The following SCLT1 variants were observed in gnomAD, a reference collection of about 807,000 sequenced individuals.
SCLT1 encodes sodium channel and clathrin linker 1.
SCLT1 carries 78 observed loss-of-function variants against 112.8 expected under a neutral mutation model. The ratio of observed to expected loss-of-function variants is 0.69; its 90% CI spans 0.58 to 0.83. The LOEUF (loss-of-function observed/expected upper bound fraction) is 0.83, where lower values mean the gene tolerates loss of function less well. Ranked by LOEUF, SCLT1 falls within the 40% of genes least tolerant of loss-of-function variation. The probability of loss-of-function intolerance (pLI) is 0.00; values close to 1 mark genes in which losing one functional copy is unlikely to be tolerated. For missense variants in SCLT1, 747 were observed against 770.4 expected (o/e 0.97, Z 0.36); for synonymous variants, 257 against 254.7 (o/e 1.01, Z -0.09).
intron 20 of SCLT1, among the ~76,000 whole-genome samples, chr4:128,887,583 C>T (rs17414502): frequency 6.6e-6 from 1 of 152,064 alleles, no homozygotes; most frequent in Non-Finnish European, 1.5e-5. Flanking sequence ...CTCGCCTCCC[C>T]TATCTATCTA....
Position 128,959,654 on chromosome 4 carries a change from T to TA in SCLT1, c.992dup (p.Arg332LysfsTer5). ...AGAGTTGCATGCTATTTCTGGCTCT[T>TA]ACAATAGCCTCATATCTCTCATTTT... On this transcript the variant is annotated frameshift_variant, in exon 12 of 21. Coordinates refer to ENST00000281142, the MANE Select transcript of SCLT1 (RefSeq NM_144643.4). LOFTEE classifies it high-confidence loss of function. The TA allele has an allele frequency of 6.2e-7, 1 of 1,613,612 alleles. No homozygotes were observed. Among genetic ancestry groups the TA allele is most frequent in the Non-Finnish European group, 8.5e-7 (1 of 1,179,706 alleles).
At chr4:128,906,822 C>T (rs1174182251) in intron 18 of SCLT1, among the ~76,000 whole-genome samples, 2 of 152,038 alleles carry the variant, frequency 1.3e-5, no homozygotes, top group Non-Finnish European at 2.9e-5. Flanking sequence ...CTAGTCACTG[C>T]CATAGTGAAA....
chr4:129,067,712 A>G (rs1456506428), intron 2 of SCLT1, among the ~76,000 whole-genome samples: 1 of 151,998 alleles, frequency 6.6e-6, no homozygotes, highest in Non-Finnish European at 1.5e-5. Flanking sequence ...GGGTTTCACC[A>G]TGTTGGCCAG....
At chr4:128,910,380 G>A (rs528995486) in intron 18 of SCLT1, among the ~76,000 whole-genome samples, 1 of 152,314 alleles carries the variant, frequency 6.6e-6, no homozygotes, top group Admixed American at 6.5e-5. Context: ...GTTTAAAGGA[G>A]ATTTGCATCG....
chr4:128,925,594 G>A (rs1736232246), intron 18 of SCLT1, among the ~76,000 whole-genome samples: 2 of 152,092 alleles, frequency 1.3e-5, no homozygotes, highest in Non-Finnish European at 2.9e-5. Flanking sequence ...AAAGTGCTAG[G>A]ATTACAGGCG....
rs377349609 is a variant in SCLT1, at chr4:128,974,726, T to C, written c.687-4258A>G. ...CAAAAATAATTCTAATATTATTTTATGAAGAAACTCAATAATTATGTTTAT... is the reference window on the plus strand; with the variant it reads ...CAAAAATAATTCTAATATTATTTTACGAAGAAACTCAATAATTATGTTTAT... On this transcript the variant is annotated intron_variant, in intron 9 of 20. Coordinates refer to ENST00000281142, the MANE Select transcript of SCLT1 (RefSeq NM_144643.4). Among the ~76,000 whole-genome samples, 34 of 152,288 alleles carry C rather than the reference T, an allele frequency of 2.2e-4. No homozygotes were observed. The East Asian group carries it at 2.9e-3, about 13-fold the overall frequency.
chr4:128,961,101 T>A (rs1245347073), intron 11 of SCLT1, among the ~76,000 whole-genome samples: 1 of 152,072 alleles, frequency 6.6e-6, no homozygotes, highest in Non-Finnish European at 1.5e-5. Context: ...TTTGACTATT[T>A]TTTTTCAACT....
At chr4:128,990,766 T>G (rs1484001390) in intron 9 of SCLT1, among the ~76,000 whole-genome samples, 1 of 149,314 alleles carries the variant, frequency 6.7e-6, no homozygotes, top group Non-Finnish European at 1.5e-5. Flanking sequence ...CGAACAAAAA[T>G]CAGTATTATT....
At chr4:128,898,463 C>A (rs1055955499) in intron 18 of SCLT1, among the ~76,000 whole-genome samples, 13 of 152,108 alleles carry the variant, frequency 8.5e-5, no homozygotes, top group Non-Finnish European at 1.0e-4. Flanking sequence ...TAAAGATGTT[C>A]TTTGAAACCA....
chr4:128,940,656 T>G (rs1267021963), intron 17 of SCLT1, among the ~76,000 whole-genome samples: 1 of 152,000 alleles, frequency 6.6e-6, no homozygotes, highest in South Asian at 2.1e-4. Flanking sequence ...TTATACACTA[T>G]AGTAACAATT....
Position 129,067,182 on chromosome 4 carries a change from ACTTAATAAAT to A in SCLT1, c.102+15114_102+15123del, listed in dbSNP as rs911109289. Among the ~76,000 whole-genome samples, 22 of 152,202 alleles carry A rather than the reference ACTTAATAAAT, an allele frequency of 1.4e-4. 1 individual carries two copies. Among genetic ancestry groups the A allele is most frequent in the Middle Eastern group, 3.4e-3 (1 of 294 alleles). The stretch of plus-strand genomic sequence containing the variant: ...TAACCTAATTCCTGACATAGAAAAC[ACTTAATAAAT>A]CTTAATAAATCTTGGCTCATTATCT... On this transcript the variant is annotated intron_variant, in intron 2 of 20. Coordinates refer to ENST00000281142, the MANE Select transcript of SCLT1 (RefSeq NM_144643.4).
In SCLT1 at chr4:128,943,004, T is replaced by C. The variant is rs1346108044; in HGVS notation, c.1624A>G (p.Lys542Glu). The change falls in exon 17 of 21, where the codon AAA (lysine) becomes GAA (glutamate). Residue 542 changes from lysine (K) to glutamate (E), a missense_variant. By Grantham distance (56) the Lys-to-Glu change is moderately conservative. Transcript: ENST00000281142. Reference protein sequence around the residue: ...KIALEAQKKAKVKISTMEHEF... With the variant: ...KIALEAQKKAEVKISTMEHEF... ...TCTAGTCTTGAAAATACCTTTACTT[T>C]GGCTTTTTTTTGAGCCTCCAGGGCA... 1.9e-6 allele frequency: 3 copies of C among 1,604,252 alleles called. No individual in the cohort carries two copies. In the African/African-American group the frequency reaches 4.0e-5, roughly 22 times the overall value.
Position 128,900,056 on chromosome 4 carries a change from C to T in SCLT1, c.1830-8919G>A, listed in dbSNP as rs141905584. ...CAAACAAATGGAAGAACATTCCACA[C>T]GCATGGGTAGGAAGAATCGATACCA... On this transcript the variant is annotated intron_variant, in intron 18 of 20. Transcript: ENST00000281142. Among the ~76,000 whole-genome samples the T allele has an allele frequency of 9.2e-4, 140 of 152,312 alleles. 1 individual carries two copies. In the East Asian group the frequency reaches 0.02, roughly 22 times the overall value.
chr4:128,978,190 G>A (rs1294254226), intron 9 of SCLT1, among the ~76,000 whole-genome samples: 1 of 151,988 alleles, frequency 6.6e-6, no homozygotes, highest in African/African-American at 2.4e-5. Flanking sequence ...TTTTAAAAAA[G>A]GAGTTTACTG....
intron 5 of SCLT1, among the ~76,000 whole-genome samples, chr4:129,016,057 G>A (rs1344168490): frequency 2.6e-5 from 4 of 151,370 alleles, no homozygotes; most frequent in South Asian, 4.2e-4. Flanking sequence ...CATTTCCATT[G>A]TATTTTTTCA....
chr4:129,028,257 C>T (rs535560271), intron 5 of SCLT1, among the ~76,000 whole-genome samples: 1,939 of 152,072 alleles, frequency 0.013, 28 homozygotes, highest in African/African-American at 0.038. Flanking sequence ...GGAGGCATCA[C>T]GCTACCTGAC....
chr4:129,048,816 A>G (rs1748454831), intron 2 of SCLT1, among the ~76,000 whole-genome samples: 2 of 152,050 alleles, frequency 1.3e-5, no homozygotes, highest in South Asian at 2.1e-4. Flanking sequence ...AAAAGTGGGC[A>G]AAGGATATGA....
intron 9 of SCLT1, among the ~76,000 whole-genome samples, chr4:128,981,294 T>C (rs909482264): frequency 2.0e-5 from 3 of 152,292 alleles, no homozygotes; most frequent in Admixed American, 2.0e-4. Flanking sequence ...ATAGTTTAAA[T>C]AGCCCTTCCC....
chr4:128,896,264 T>G (rs1013743719), intron 18 of SCLT1, among the ~76,000 whole-genome samples: 2 of 152,074 alleles, frequency 1.3e-5, no homozygotes, highest in Non-Finnish European at 2.9e-5. Context: ...GACCCCCAAG[T>G]AGCCTAACTG....
Sources: allele counts gnomAD v4.1 joint callset (sites outside exome capture counted in the v4.1 genomes callset), GRCh38; gene constraint gnomAD v4.1.1; transcripts MANE v1.5; gene names NCBI Gene and HGNC (gene_info 2026-07-23, HGNC 2026-07-21).